Variants in ROBO2 observed in about 807,000 individuals in gnomAD.
The protein encoded by ROBO2 is roundabout guidance receptor 2.
In ROBO2, 53 loss-of-function variants were observed where a neutral mutation model predicts 160.8. That is an observed-to-expected ratio of 0.33 (90% CI 0.26 to 0.41). The LOEUF is 0.41. Ranked by LOEUF, ROBO2 falls within the 10% of genes least tolerant of loss-of-function variation. The pLI is 1.00. For synonymous variants in ROBO2, 664 were observed against 611.7 expected (o/e 1.09, Z -1.26); for missense variants, 1,577 against 1,722.4 (o/e 0.92, Z 1.49).
chr3:76,067,408 T>C (rs566891925), intron 2 of ROBO2, among the ~76,000 whole-genome samples: 10 of 152,270 alleles, frequency 6.6e-5, no homozygotes, highest in African/African-American at 2.2e-4. Context: ...ATGGTAGAGA[T>C]TGGCAACCAA....
intron 2 of ROBO2, among the ~76,000 whole-genome samples, chr3:76,753,966 C>T (rs1208559958): frequency 2.6e-5 from 4 of 151,744 alleles, no homozygotes; most frequent in African/African-American, 9.7e-5. Flanking sequence ...TGTTTTTAAG[C>T]ATCCAATATA....
chr3:76,841,646 A>G (rs899377191), intron 2 of ROBO2, among the ~76,000 whole-genome samples: 1 of 152,234 alleles, frequency 6.6e-6, no homozygotes, highest in Non-Finnish European at 1.5e-5. Flanking sequence ...AGGCACCACT[A>G]TTAGTAACAC....
chr3:77,372,959 C>A (rs1581433001), intron 2 of ROBO2, among the ~76,000 whole-genome samples: 1 of 151,774 alleles, frequency 6.6e-6, no homozygotes, highest in East Asian at 1.9e-4. Context: ...TTAAAGCTCT[C>A]TGTTTACATA....
In ROBO2 at chr3:76,539,021, A is replaced by G. The variant is rs377103060; in HGVS notation, c.110-558993A>G. Among the ~76,000 whole-genome samples the G allele has an allele frequency of 2.6e-5, 4 of 152,342 alleles. No homozygotes were observed. In the East Asian group the frequency reaches 7.7e-4, roughly 29 times the overall value. ...ATGGAATACTATGTGGCCATAAAAA[A>G]CAATGAGTTCACGTCCTTTGCAGGG... On this transcript the variant is annotated intron_variant, in intron 2 of 26. Coordinates refer to the ROBO2 transcript ENST00000487694.
chr3:76,213,201 A>C (rs547894730), intron 2 of ROBO2, among the ~76,000 whole-genome samples: 2 of 152,288 alleles, frequency 1.3e-5, no homozygotes, highest in East Asian at 3.9e-4. Context: ...ACCTTAAAAC[A>C]AACTCTAGAA....
chr3:77,432,531 G>A (rs1288458781), intron 2 of ROBO2, among the ~76,000 whole-genome samples: 4 of 152,116 alleles, frequency 2.6e-5, no homozygotes, highest in Non-Finnish European at 4.4e-5. Flanking sequence ...TATTGTCCCT[G>A]GGCCAACTCT....
chr3:76,376,185 C>A (rs1343112316), intron 2 of ROBO2, among the ~76,000 whole-genome samples: 1 of 152,188 alleles, frequency 6.6e-6, no homozygotes, highest in South Asian at 2.1e-4. Context: ...AATGAGCCTA[C>A]TTTATTGTTC....
chr3:76,830,672 A>G (rs1387246446), intron 2 of ROBO2, among the ~76,000 whole-genome samples: 3 of 150,986 alleles, frequency 2.0e-5, no homozygotes, highest in African/African-American at 7.3e-5. Flanking sequence ...TATTTCAAAA[A>G]TACTAATCAA....
chr3:75,915,816 T>G (rs1405434898), intron 1 of ROBO2, among the ~76,000 whole-genome samples: 8 of 152,144 alleles, frequency 5.3e-5, no homozygotes, highest in Non-Finnish European at 1.5e-5. Context: ...GCTGGCCTAT[T>G]TGTATATTCA....
chr3:76,428,065 T>C (rs1339432742), intron 2 of ROBO2, among the ~76,000 whole-genome samples: 1 of 152,234 alleles, frequency 6.6e-6, no homozygotes, highest in Non-Finnish European at 1.5e-5. Context: ...TGGATGACTT[T>C]TTTTTCTCAG....
At chr3:76,242,757 T>C (rs113757655) in intron 2 of ROBO2, among the ~76,000 whole-genome samples, 51,635 of 151,838 alleles carry the variant, frequency 0.34, 9,230 homozygotes, top group Non-Finnish European at 0.41. Flanking sequence ...TGGTGGTGCA[T>C]GCCTGTGGTC....
At chr3:76,432,060 A>T (rs1231870030) in intron 2 of ROBO2, among the ~76,000 whole-genome samples, 1 of 152,170 alleles carries the variant, frequency 6.6e-6, no homozygotes, top group Non-Finnish European at 1.5e-5. Flanking sequence ...TAATCATCAA[A>T]GTTGAGTGTG....
intron 2 of ROBO2, chr3:77,316,951 C>A: frequency 7.5e-7 from 1 of 1,338,742 alleles, no homozygotes; most frequent in Admixed American, 1.7e-5. Context: ...TGTTCCGAAG[C>A]GCGTGTTACT....
chr3:76,784,610 T>C (rs2062857940), intron 2 of ROBO2, among the ~76,000 whole-genome samples: 1 of 151,158 alleles, frequency 6.6e-6, no homozygotes, highest in Non-Finnish European at 1.5e-5. Context: ...ATGCATAAGA[T>C]GCCAGCCACA....
intron 2 of ROBO2, among the ~76,000 whole-genome samples, chr3:76,651,038 CAA>C (rs2109879499): frequency 6.6e-6 from 1 of 152,182 alleles, no homozygotes; most frequent in East Asian, 1.9e-4. Context: ...ACTTTACTTG[CAA>C]AGAGTGAAAA....
chr3:76,088,026 G>T (rs2069087090), intron 2 of ROBO2, among the ~76,000 whole-genome samples: 1 of 151,968 alleles, frequency 6.6e-6, no homozygotes, highest in Non-Finnish European at 1.5e-5. Context: ...AAATTAGGAT[G>T]GTGAGAGATA....
intron 1 of ROBO2, among the ~76,000 whole-genome samples, chr3:77,060,905 C>A (rs1307615177): frequency 6.6e-6 from 1 of 151,932 alleles, no homozygotes; most frequent in Admixed American, 6.6e-5. Context: ...TAATACAAAC[C>A]CATCTGACCA....
chr3:76,197,601 A>G (rs1195319632), intron 2 of ROBO2, among the ~76,000 whole-genome samples: 1 of 152,190 alleles, frequency 6.6e-6, no homozygotes, highest in East Asian at 1.9e-4. Context: ...AAATAAAATT[A>G]TTGTTATTAC....
intron 2 of ROBO2, among the ~76,000 whole-genome samples, chr3:77,432,700 T>A (rs889111415): frequency 1.3e-5 from 2 of 152,142 alleles, no homozygotes; most frequent in Non-Finnish European, 2.9e-5. Context: ...AGTGGGAGTG[T>A]TTGCCTATCA....
Sources: allele counts gnomAD v4.1 joint callset (sites outside exome capture counted in the v4.1 genomes callset), GRCh38; gene constraint gnomAD v4.1.1; transcripts MANE v1.5; gene names NCBI Gene and HGNC (gene_info 2026-07-23, HGNC 2026-07-21).